Variants in IL18 observed in about 807,000 individuals in gnomAD.
IL18 encodes interleukin-18.
In IL18, 8 loss-of-function variants were observed where a neutral mutation model predicts 14.2. The ratio of observed to expected loss-of-function variants is 0.56; its 90% CI spans 0.33 to 1.01. IL18 has a LOEUF of 1.01. Ranked by LOEUF, IL18 falls within the 50% of genes least tolerant of loss-of-function variation. The probability of loss-of-function intolerance (pLI) is 0.03; values close to 1 mark genes in which losing one functional copy is unlikely to be tolerated. For synonymous variants in IL18, 67 were observed against 71.0 expected, an observed-to-expected ratio of 0.94 and a Z score of 0.28; for missense variants, 166 against 231.1, an observed-to-expected ratio of 0.72 and a Z score of 1.83.
chr11:112,146,012 C>CA (rs2135308028), intron 5 of IL18, among the ~76,000 whole-genome samples: 1 of 147,884 alleles, frequency 6.8e-6, no homozygotes, highest in South Asian at 2.2e-4. Flanking sequence ...TTGAGTGCTC[C>CA]AAGGGGAAAG....
intron 1 of IL18, among the ~76,000 whole-genome samples, chr11:112,156,012 CTCAT>C (rs1391853834): frequency 6.6e-6 from 1 of 152,156 alleles, no homozygotes; most frequent in Non-Finnish European, 1.5e-5. Flanking sequence ...ATGGTTTAAA[CTCAT>C]TACTACTTTG....
intron 3 of IL18, among the ~76,000 whole-genome samples, chr11:112,152,584 G>A (rs1866461148): frequency 6.6e-6 from 1 of 152,142 alleles, no homozygotes; most frequent in Non-Finnish European, 1.5e-5. Context: ...TCTAGTCAAT[G>A]GAATATGAGG....
intron 2 of IL18, among the ~76,000 whole-genome samples, chr11:112,154,362 T>C (rs534532834): frequency 6.6e-6 from 1 of 151,928 alleles, no homozygotes; most frequent in East Asian, 1.9e-4. Flanking sequence ...CTGTCTCTAG[T>C]AAAAATACAA....
intron 1 of IL18, among the ~76,000 whole-genome samples, chr11:112,158,892 A>G (rs1866580671): frequency 6.6e-6 from 1 of 152,214 alleles, no homozygotes; most frequent in African/African-American, 2.4e-5. Flanking sequence ...CTTGCAGTAT[A>G]CTTTGATGAA....
intron 1 of IL18, among the ~76,000 whole-genome samples, chr11:112,157,748 A>G (rs1197120647): frequency 6.6e-6 from 1 of 152,200 alleles, no homozygotes; most frequent in African/African-American, 2.4e-5. Flanking sequence ...CCGAGAAAAT[A>G]TGGGTTGTTT....
At chr11:112,156,511 A>C (rs1459250046) in intron 1 of IL18, among the ~76,000 whole-genome samples, 1 of 152,032 alleles carries the variant, frequency 6.6e-6, no homozygotes, top group Non-Finnish European at 1.5e-5. Context: ...GCTCACTGCA[A>C]CATCCACCCC....
chr11:112,145,210 C>G (rs1407153095), intron 5 of IL18, among the ~76,000 whole-genome samples: 1 of 152,210 alleles, frequency 6.6e-6, no homozygotes, highest in African/African-American at 2.4e-5. Context: ...AGTCATAACT[C>G]TTGACCTTTG....
intron 5 of IL18, among the ~76,000 whole-genome samples, chr11:112,146,751 C>T (rs5744271): frequency 6.6e-5 from 10 of 151,574 alleles, no homozygotes; most frequent in African/African-American, 1.5e-4. Flanking sequence ...CTCTCTCCCC[C>T]CCTCCAACTA....
At chr11:112,161,075 C>CATTTTT (rs34546088) in intron 1 of IL18, among the ~76,000 whole-genome samples, 1 of 147,506 alleles carries the variant, frequency 6.8e-6, no homozygotes. Context: ...AGACTACTGA[C>CATTTTT]TTTTTTTTTT....
intron 5 of IL18, among the ~76,000 whole-genome samples, chr11:112,146,550 C>G (rs1217878614): frequency 2.0e-5 from 3 of 152,170 alleles, no homozygotes; most frequent in African/African-American, 7.2e-5. Flanking sequence ...TCTTGAACTC[C>G]TGATCTCAAG....
intron 5 of IL18, among the ~76,000 whole-genome samples, chr11:112,144,432 A>G (rs558883052): frequency 1.1e-4 from 17 of 152,154 alleles, no homozygotes; most frequent in Admixed American, 2.6e-4. Flanking sequence ...AGAAGGGGTC[A>G]GGGGGTATCT....
In IL18 at chr11:112,153,602, A is replaced by C. The variant is rs571915045; in HGVS notation, c.81T>G (p.Ala27=). ...TCATTTCTACTTTACCATCATCTTC[A>C]GCTAAGAGGGGGAAAAAGAGAGAAA... ...KFIDNTLYFI[A]EDDENLESDY... is the part of the protein sequence containing the mutation. The change falls in exon 3 of 6, where the codon GCT becomes GCG. Residue 27 remains alanine (A), a splice_region_variant and synonymous_variant. Transcript: ENST00000280357. 12 of 1,556,962 alleles carry C rather than the reference A, an allele frequency of 7.7e-6. No homozygotes were observed. The South Asian group carries it at 1.4e-4, about 18-fold the overall frequency.
intron 3 of IL18, among the ~76,000 whole-genome samples, chr11:112,151,230 A>G (rs902865496): frequency 6.6e-6 from 1 of 152,200 alleles, no homozygotes; most frequent in African/African-American, 2.4e-5. Flanking sequence ...AATATCATGA[A>G]CTTAATATAA....
intron 5 of IL18, among the ~76,000 whole-genome samples, chr11:112,145,455 T>C (rs745371556): frequency 2.0e-5 from 3 of 152,180 alleles, no homozygotes; most frequent in Non-Finnish European, 4.4e-5. Flanking sequence ...AAAGTTACAG[T>C]TGAGCCGGGT....
chr11:112,150,009 G>A (rs969332838), intron 4 of IL18, 63 bp downstream of exon 4: 14 of 1,363,398 alleles, frequency 1.0e-5, no homozygotes, highest in Non-Finnish European at 1.4e-5. Context: ...AACAATGTAA[G>A]CAGTAAAACA....
chr11:112,150,425 C>T (rs1866417950), intron 3 of IL18: 1 of 427,386 alleles, frequency 2.3e-6, no homozygotes, highest in African/African-American at 2.0e-5. Flanking sequence ...GTGTTAACTT[C>T]AAATAGCCTA....
intron 1 of IL18, among the ~76,000 whole-genome samples, chr11:112,159,784 C>T (rs930486999): frequency 7.2e-5 from 11 of 152,078 alleles, no homozygotes; most frequent in East Asian, 1.9e-4. Context: ...TTTGGGCAAC[C>T]GTAGAACAGT....
At chr11:112,150,250 T>C (rs781702645) in intron 3 of IL18, 44 bp from the exon 4 acceptor site, 1 of 1,310,612 alleles carries the variant, frequency 7.6e-7, no homozygotes, top group Non-Finnish European at 1.1e-6. Context: ...ATAGTTTCTT[T>C]GTTAATTGAC....
chr11:112,156,204 A>G (rs1478143181), intron 1 of IL18, among the ~76,000 whole-genome samples: 1 of 152,170 alleles, frequency 6.6e-6, no homozygotes, highest in Non-Finnish European at 1.5e-5. Flanking sequence ...TGGTAGAGTA[A>G]GCAGGAATTT....
Sources: gnomAD v4.1 joint callset for allele counts (sites outside exome capture counted in the v4.1 genomes callset) on GRCh38, gnomAD v4.1.1 for gene constraint, MANE v1.5 for transcripts, NCBI Gene and HGNC (gene_info 2026-07-23, HGNC 2026-07-21) for gene names.